CAP2: variants seen among roughly 807,000 people sequenced by gnomAD.
The protein encoded by CAP2 is cyclase associated actin cytoskeleton regulatory protein 2, also known as adenylyl cyclase-associated protein 2.
A neutral mutation model predicts 57.7 loss-of-function variants in CAP2; 24 were observed. The observed-to-expected ratio is 0.42, with a 90% confidence interval of 0.30 to 0.58. CAP2 has a LOEUF of 0.58. Among genes scored for constraint, CAP2 ranks in the 20% least tolerant of loss-of-function variants. The pLI is 0.22. For synonymous variants in CAP2, 194 were observed against 207.2 expected, an observed-to-expected ratio of 0.94 and a Z score of 0.55; for missense variants, 501 against 590.3, an observed-to-expected ratio of 0.85 and a Z score of 1.57.
At chr6:17,422,070 T>G (rs1437025422) in intron 2 of CAP2, among the ~76,000 whole-genome samples, 1 of 152,176 alleles carries the variant, frequency 6.6e-6, no homozygotes, top group African/African-American at 2.4e-5. Flanking sequence ...AAGAGCATAT[T>G]CATCTTTCTT....
chr6:17,436,579 G>A (rs1333992076), intron 3 of CAP2, among the ~76,000 whole-genome samples: 1 of 152,146 alleles, frequency 6.6e-6, no homozygotes, highest in East Asian at 1.9e-4. Context: ...GAAGAGAGAG[G>A]GAGGCGGGTA....
At chr6:17,452,690 T>C (rs556695878) in intron 3 of CAP2, among the ~76,000 whole-genome samples, 4 of 152,324 alleles carry the variant, frequency 2.6e-5, no homozygotes, top group African/African-American at 4.8e-5. Context: ...TAGAGGACTT[T>C]GCTATTTTTC....
At position 17,513,439 on chromosome 6, in the gene CAP2, T is replaced by A. The variant is rs183659860; in HGVS notation, c.531-410T>A. Among the ~76,000 whole-genome samples, 166 of 152,326 alleles carry A rather than the reference T, an allele frequency of 1.1e-3. No homozygotes were observed. The highest frequency in any genetic ancestry group is 3.4e-3 in the African/African-American group (142 of 41,572). On this transcript the variant is annotated intron_variant, in intron 6 of 12. Coordinates refer to ENST00000229922, the MANE Select transcript of CAP2 (RefSeq NM_006366.3). This position sits in a 1 kb window ranked among gnomAD's most constrained non-coding sequence, Gnocchi z 4.3. ...AACCCAATGACTTTTTTTTTCTTTT[T>A]AATACCATTCTCATTCCTGGGAGTA...
chr6:17,430,638 A>G (rs1387583432), intron 3 of CAP2, among the ~76,000 whole-genome samples: 1 of 151,690 alleles, frequency 6.6e-6, no homozygotes, highest in East Asian at 1.9e-4. Flanking sequence ...TCCCGGGTTC[A>G]AGCGATTCTC....
chr6:17,481,249 C>T (rs573449426), intron 4 of CAP2, among the ~76,000 whole-genome samples: 1 of 152,054 alleles, frequency 6.6e-6, no homozygotes, highest in African/African-American at 2.4e-5. Flanking sequence ...TTATTGTAGT[C>T]GTTCTTGCTT....
Position 17,421,587 on chromosome 6 carries a change from T to C in CAP2, c.32T>C (p.Leu11Pro). 6.2e-7 allele frequency: 1 copy of C among 1,614,196 alleles called. No homozygotes were observed. The highest frequency in any genetic ancestry group is 8.5e-7 in the Non-Finnish European group (1 of 1,180,014). The part of the protein sequence containing the change: MANMQGLVER[L>P]ERAVSRLESL... ...AACATGCAGGGACTGGTGGAAAGACTGGAACGAGCTGTCAGCCGCCTGGAG... is the reference window on the plus strand; with the variant it reads ...AACATGCAGGGACTGGTGGAAAGACCGGAACGAGCTGTCAGCCGCCTGGAG... Residue 11 changes from leucine (L) to proline (P), a missense_variant, in exon 2 of 13, where the codon CTG becomes CCG. Physicochemically the swap from Leu to Pro is moderately conservative, Grantham distance 98. Coordinates refer to ENST00000229922, the MANE Select transcript of CAP2 (RefSeq NM_006366.3).
At chr6:17,396,023 T>C (rs1045172391) in intron 1 of CAP2, among the ~76,000 whole-genome samples, 7 of 152,132 alleles carry the variant, frequency 4.6e-5, no homozygotes, top group Non-Finnish European at 8.8e-5. Flanking sequence ...AAAGAAGATA[T>C]ACAAATGGCC....
intron 4 of CAP2, among the ~76,000 whole-genome samples, chr6:17,493,060 T>TA (rs995566825): frequency 1.1e-4 from 16 of 152,298 alleles, no homozygotes; most frequent in East Asian, 3.9e-4. Context: ...CACGTGTGAA[T>TA]AAAAAATCTG....
rs115146491 is a variant in CAP2, at chr6:17,431,324, G to A, written c.222+4634G>A. Among the ~76,000 whole-genome samples, 683 of 151,828 alleles carry A rather than the reference G, an allele frequency of 4.5e-3. 9 individuals are homozygous for A. Among genetic ancestry groups the A allele is most frequent in the African/African-American group, 0.016 (648 of 41,346 alleles). Reference sequence around the variant, plus strand: ...AACTAGAAGTTTAAAAAAAGATATCGTTAAAAAAAATAATTTTTATTAATT... The same window carrying A: ...AACTAGAAGTTTAAAAAAAGATATCATTAAAAAAAATAATTTTTATTAATT... On this transcript the variant is annotated intron_variant, in intron 3 of 12. Coordinates refer to ENST00000229922, the MANE Select transcript of CAP2 (RefSeq NM_006366.3).
At chr6:17,425,279 T>G (rs1176393972) in intron 2 of CAP2, among the ~76,000 whole-genome samples, 1 of 152,174 alleles carries the variant, frequency 6.6e-6, no homozygotes, top group Non-Finnish European at 1.5e-5. Flanking sequence ...TTCTGTTAAT[T>G]AAAAGGCAGG....
intron 8 of CAP2, among the ~76,000 whole-genome samples, chr6:17,539,703 C>G (rs1038839243): frequency 1.3e-5 from 2 of 152,136 alleles, no homozygotes; most frequent in African/African-American, 4.8e-5. Flanking sequence ...CTAAATGGAC[C>G]ACTGTGCTGC....
rs1297634468 is a variant in CAP2 at position 17,556,452 on chromosome 6, A to C, written c.*10A>C. 19 of 1,588,628 alleles carry C rather than the reference A, an allele frequency of 1.2e-5. No individual in the cohort carries two copies. Among genetic ancestry groups the C allele is most frequent in the Non-Finnish European group, 1.6e-5 (18 of 1,156,870 alleles). ...AGAAATTATGGCCTAACTTCCTGAG[A>C]GACCGAACCCCCTCACCTGAATCCC... is the stretch of plus-strand genomic sequence containing the variant. On this transcript the variant is annotated 3_prime_UTR_variant, in exon 13 of 13. Transcript: ENST00000229922.
chr6:17,541,462 C>T (rs1377418310), intron 9 of CAP2, among the ~76,000 whole-genome samples: 2 of 151,968 alleles, frequency 1.3e-5, no homozygotes, highest in African/African-American at 4.8e-5. Context: ...TGCCTGTAAT[C>T]CCAGCTACTT....
chr6:17,536,413 C>T (rs939272157), intron 7 of CAP2: 5 of 405,626 alleles, frequency 1.2e-5, no homozygotes, highest in African/African-American at 6.2e-5. Context: ...TTGCTGGGGC[C>T]GATATGGGAA....
At chr6:17,487,777 T>C (rs776749160) in intron 4 of CAP2, among the ~76,000 whole-genome samples, 4 of 151,874 alleles carry the variant, frequency 2.6e-5, no homozygotes, top group Non-Finnish European at 4.4e-5. Context: ...GGCCCAGTTT[T>C]TTTTGTTTTG....
At chr6:17,408,040 A>G (rs534950196) in intron 1 of CAP2, among the ~76,000 whole-genome samples, 1 of 152,322 alleles carries the variant, frequency 6.6e-6, no homozygotes, top group Admixed American at 6.5e-5. Context: ...TATAATTACA[A>G]TGAATGCTGG....
intron 7 of CAP2, among the ~76,000 whole-genome samples, chr6:17,528,968 C>A (rs939674453): frequency 4.6e-5 from 7 of 152,084 alleles, no homozygotes; most frequent in Admixed American, 4.6e-4. Context: ...GTAATCCCAG[C>A]ACTTTGGGAG....
intron 1 of CAP2, among the ~76,000 whole-genome samples, chr6:17,405,498 GTCTC>G (rs57158664): frequency 0.082 from 12,198 of 148,438 alleles, 691 homozygotes; most frequent in Admixed American, 0.13. Flanking sequence ...TGAATGTGGA[GTCTC>G]TCTCTCTCTC....
rs201460559 is a variant in CAP2, at chr6:17,539,341, C to A, written c.709C>A (p.Pro237Thr). Reference sequence around the variant, plus strand: ...GCCTGGCCTTCCTCCACCCCCTCCTCCTCTGCCTCCTCCAGGGCCACCTCC... The same window carrying A: ...GCCTGGCCTTCCTCCACCCCCTCCTACTCTGCCTCCTCCAGGGCCACCTCC... ...SGPGLPPPPPPLPPPGPPPLF... is the reference protein window; with the variant it reads ...SGPGLPPPPPTLPPPGPPPLF... The change falls in exon 8 of 13, where the codon CCT becomes ACT. Residue 237 changes from proline to threonine, a missense_variant. Transcript: ENST00000229922. 1 of 1,614,116 alleles carries A rather than the reference C, an allele frequency of 6.2e-7. No homozygotes were observed. The highest frequency in any genetic ancestry group is 1.7e-5 in the Admixed American group (1 of 60,028).
Sources: allele counts gnomAD v4.1 joint callset (sites outside exome capture counted in the v4.1 genomes callset), GRCh38; gene constraint gnomAD v4.1.1; non-coding constraint Gnocchi (gnomAD v3.1); transcripts MANE v1.5; gene names NCBI Gene and HGNC (gene_info 2026-07-23, HGNC 2026-07-21).